The following SDK2 variants were observed in gnomAD, a reference collection of about 807,000 sequenced individuals.
SDK2 encodes the protein protein sidekick-2.
SDK2 carries 105 observed loss-of-function variants against 253.9 expected under a neutral mutation model. That is an observed-to-expected ratio of 0.41 (90% CI 0.35 to 0.49). SDK2 has a LOEUF of 0.49. Among genes scored for constraint, SDK2 ranks in the 20% least tolerant of loss-of-function variants. SDK2 has a pLI of 0.06. For missense variants in SDK2, 2,608 were observed against 3,003.0 expected (o/e 0.87, Z 3.07); for synonymous variants, 1,249 against 1,234.9 (o/e 1.01, Z -0.24).
At chr17:73,422,235 C>A (rs1347820772) in intron 15 of SDK2, 52 bp downstream of exon 15, 5 of 1,599,284 alleles carry the variant, frequency 3.1e-6, no homozygotes, top group Admixed American at 1.7e-5. Context: ...CGGCTGCAGC[C>A]CCTGCCTGTT....
At chr17:73,545,014 C>T (rs1292680038) in intron 1 of SDK2, among the ~76,000 whole-genome samples, 7 of 152,036 alleles carry the variant, frequency 4.6e-5, no homozygotes, top group Non-Finnish European at 1.0e-4. Flanking sequence ...CTCCTTCTTC[C>T]TTGGGCCCCC....
At chr17:73,393,770 G>C in intron 26 of SDK2, 21 bp from the exon 27 acceptor site, 3 of 1,532,660 alleles carry the variant, frequency 2.0e-6, no homozygotes, top group African/African-American at 1.4e-5. Context: ...CCAGCACAGG[G>C]TGAGGGCCTC....
intron 18 of SDK2, among the ~76,000 whole-genome samples, chr17:73,405,702 T>C (rs1432358327): frequency 6.7e-6 from 1 of 150,128 alleles, no homozygotes; most frequent in Non-Finnish European, 1.5e-5. Context: ...GCATGTAACC[T>C]ACACACCTCC....
Position 73,616,819 on chromosome 17 carries a change from A to AG in SDK2, c.64+27205dup, listed in dbSNP as rs2046064199. On this transcript the variant is annotated intron_variant, in intron 1 of 44. Coordinates refer to ENST00000392650, the MANE Select transcript of SDK2 (RefSeq NM_001144952.2). The surrounding 1 kb of genome is among the most constrained non-coding windows in gnomAD (Gnocchi z 5.2). ...ATTCCCACCATGAGATGCCTGGGGA[A>AG]GGGGTCAGATTCCAGGGCTCAGGGA... 6.6e-6 allele frequency among the ~76,000 whole-genome samples: 1 copy of AG among 152,068 alleles called. No individual in the cohort carries two copies. The highest frequency in any genetic ancestry group is 1.5e-5 in the Non-Finnish European group (1 of 67,992).
At chr17:73,544,373 G>A (rs1031585858) in intron 1 of SDK2, among the ~76,000 whole-genome samples, 4 of 152,132 alleles carry the variant, frequency 2.6e-5, no homozygotes, top group East Asian at 1.9e-4. Context: ...CTCCCCACCC[G>A]CACTGAGCTC....
chr17:73,637,989 C>T (rs966041598), intron 1 of SDK2, among the ~76,000 whole-genome samples: 1 of 152,226 alleles, frequency 6.6e-6, no homozygotes, highest in Non-Finnish European at 1.5e-5. Flanking sequence ...GGCAACACTA[C>T]CCCATTCCAT....
intron 28 of SDK2, among the ~76,000 whole-genome samples, chr17:73,390,844 C>G (rs1198229304): frequency 6.6e-6 from 1 of 152,242 alleles, no homozygotes; most frequent in South Asian, 2.1e-4. Flanking sequence ...TTCCTGCCCC[C>G]ACTCTGTCTT....
At chr17:73,409,633 A>G (rs893716329) in intron 18 of SDK2, among the ~76,000 whole-genome samples, 3 of 152,032 alleles carry the variant, frequency 2.0e-5, no homozygotes, top group Non-Finnish European at 2.9e-5. Context: ...TCCATCTCAA[A>G]AAAAAGGAAG....
intron 1 of SDK2, among the ~76,000 whole-genome samples, chr17:73,579,973 C>A (rs529560202): frequency 6.9e-6 from 1 of 144,464 alleles, no homozygotes; most frequent in South Asian, 2.3e-4. Flanking sequence ...AGCGAAACCC[C>A]GTCTCAAAAA....
rs2063520933 is a variant in SDK2, at chr17:73,455,722, A to C, written c.479+184T>G. Among the ~76,000 whole-genome samples, 1 of 152,168 alleles carries C rather than the reference A, an allele frequency of 6.6e-6. No homozygotes were observed. The highest frequency in any genetic ancestry group is 6.5e-5 in the Admixed American group (1 of 15,284). On this transcript the variant is annotated intron_variant, in intron 4 of 44. Coordinates refer to ENST00000392650, the MANE Select transcript of SDK2 (RefSeq NM_001144952.2). The surrounding 1 kb of genome is among the most constrained non-coding windows in gnomAD (Gnocchi z 5.0). ...ACCGGGCATGGGTTTCATGGTCCCA[A>C]GTCCTTGCCTGTGCATCCTAAGAAA...
intron 18 of SDK2, among the ~76,000 whole-genome samples, chr17:73,403,882 T>C (rs1354890975): frequency 1.3e-5 from 2 of 152,214 alleles, no homozygotes; most frequent in Non-Finnish European, 2.9e-5. Flanking sequence ...TTGGAGTAGA[T>C]TAAGAAACAA....
chr17:73,573,879 A>G (rs961187123), intron 1 of SDK2, among the ~76,000 whole-genome samples: 3 of 152,232 alleles, frequency 2.0e-5, no homozygotes, highest in South Asian at 4.1e-4. Context: ...CTCTCCACAC[A>G]TGCCCAACCC....
chr17:73,387,451 C>A (rs1417089349), intron 30 of SDK2, among the ~76,000 whole-genome samples: 1 of 152,174 alleles, frequency 6.6e-6, no homozygotes, highest in African/African-American at 2.4e-5. Flanking sequence ...AAAAATTCAA[C>A]CCACTCGGAA....
rs1309625446 is a variant in SDK2, at chr17:73,431,388, G to A, written c.1480+114C>T. On this transcript the variant is annotated intron_variant, in intron 11 of 44. Transcript: ENST00000392650. This position sits in a 1 kb window ranked among gnomAD's most constrained non-coding sequence, Gnocchi z 5.6. ...CCTGACTGGGACAGACACTGGGGATGGAGACACTGGTGGTATGAGCCTGTG... is the reference window on the plus strand; with the variant it reads ...CCTGACTGGGACAGACACTGGGGATAGAGACACTGGTGGTATGAGCCTGTG... The A allele has an allele frequency of 9.8e-7, 1 of 1,018,352 alleles. No homozygotes were observed. Among genetic ancestry groups the A allele is most frequent in the Non-Finnish European group, 1.4e-6 (1 of 708,628 alleles). 63.1% of individuals were successfully genotyped at this position (1,018,352 alleles called of 1,614,324 possible). A position where few individuals can be genotyped will look rare whatever the true frequency, so the allele number is the denominator to read the frequency against.
chr17:73,466,330 C>T (rs965407836), intron 3 of SDK2, among the ~76,000 whole-genome samples: 4 of 152,174 alleles, frequency 2.6e-5, no homozygotes, highest in African/African-American at 4.8e-5. Context: ...GGTTTGTGTG[C>T]GTTGATACCA....
At chr17:73,433,948 T>C in intron 9 of SDK2, 100 bp from the exon 10 acceptor site, 1 of 737,536 alleles carries the variant, frequency 1.4e-6, no homozygotes, top group Non-Finnish European at 2.2e-6. Context: ...CAGGCCCTCA[T>C]CCTCCCCCTG....
At position 73,455,253 on chromosome 17, in the gene SDK2, G is replaced by A. The variant is rs1599582306; in HGVS notation, c.479+653C>T. ...CCCGGGGGTGGCTCAGGAGGGCGGG[G>A]AGACGGGTGTATCTCGGGAGGAACT... On this transcript the variant is annotated intron_variant, in intron 4 of 44. Coordinates refer to ENST00000392650, the MANE Select transcript of SDK2 (RefSeq NM_001144952.2). The surrounding 1 kb of genome is among the most constrained non-coding windows in gnomAD (Gnocchi z 5.0). Among the ~76,000 whole-genome samples, 1 of 152,146 alleles carries A rather than the reference G, an allele frequency of 6.6e-6. No homozygotes were observed. Among genetic ancestry groups the A allele is most frequent in the Non-Finnish European group, 1.5e-5 (1 of 68,026 alleles).
intron 2 of SDK2, among the ~76,000 whole-genome samples, chr17:73,476,313 G>T (rs1343783123): frequency 1.3e-5 from 2 of 152,254 alleles, no homozygotes; most frequent in Middle Eastern, 3.4e-3. Flanking sequence ...ACTGGGATAG[G>T]CATACAATTT....
intron 1 of SDK2, among the ~76,000 whole-genome samples, chr17:73,606,030 G>A (rs985581800): frequency 4.6e-5 from 7 of 152,088 alleles, no homozygotes; most frequent in Non-Finnish European, 1.5e-5. Flanking sequence ...AACAAAATGA[G>A]ATGGCCTTGT....
Sources: gnomAD v4.1 joint callset for allele counts (sites outside exome capture counted in the v4.1 genomes callset) on GRCh38, gnomAD v4.1.1 for gene constraint, Gnocchi (gnomAD v3.1) non-coding constraint, MANE v1.5 for transcripts, NCBI Gene and HGNC (gene_info 2026-07-23, HGNC 2026-07-21) for gene names.